Variants in KCNH7 observed in about 807,000 individuals in gnomAD.
The protein encoded by KCNH7 is potassium voltage-gated channel subfamily H member 7.
Under a neutral mutation model 120.8 loss-of-function variants are expected in KCNH7, and 49 were observed. That is an observed-to-expected ratio of 0.41 (90% CI 0.32 to 0.51). KCNH7 has a LOEUF of 0.51. KCNH7 is among the 20% of genes least tolerant of loss of function. KCNH7 has a pLI of 0.38. For missense variants in KCNH7, 1,097 were observed against 1,446.6 expected, an observed-to-expected ratio of 0.76 and a Z score of 3.92; for synonymous variants, 547 against 516.1, an observed-to-expected ratio of 1.06 and a Z score of -0.81.
chr2:162,777,142 G>C (rs1034809095), intron 2 of KCNH7, among the ~76,000 whole-genome samples: 5 of 152,080 alleles, frequency 3.3e-5, no homozygotes, highest in African/African-American at 9.7e-5. Flanking sequence ...TGTTTGACAA[G>C]TACCACCAGT....
intron 6 of KCNH7, among the ~76,000 whole-genome samples, chr2:162,466,788 C>G (rs546966125): frequency 4.6e-5 from 7 of 152,114 alleles, no homozygotes; most frequent in African/African-American, 7.2e-5. Context: ...ATCTGATTGT[C>G]AGTAAATTTA....
rs185257091 is a variant in KCNH7 at position 162,393,340 on chromosome 2, G to A, written c.2710+1049C>T. On this transcript the variant is annotated intron_variant, in intron 12 of 15. Coordinates refer to ENST00000332142, the MANE Select transcript of KCNH7 (RefSeq NM_033272.4). The stretch of plus-strand genomic sequence containing the variant: ...TGGGACTGAAGCTCAGGTGGTCTGG[G>A]ATTAACATGTAATCATGAACATCTC... Among the ~76,000 whole-genome samples the A allele has an allele frequency of 1.3e-3, 197 of 151,986 alleles. 1 individual carries two copies. In the Middle Eastern group the frequency reaches 0.027, roughly 21 times the overall value.
intron 2 of KCNH7, among the ~76,000 whole-genome samples, chr2:162,568,493 T>A (rs1366669917): frequency 6.6e-6 from 1 of 152,018 alleles, no homozygotes; most frequent in Non-Finnish European, 1.5e-5. Flanking sequence ...AATTAAGCAA[T>A]GTGTGACTGT....
At chr2:162,625,538 C>A (rs994084791) in intron 2 of KCNH7, among the ~76,000 whole-genome samples, 6 of 152,104 alleles carry the variant, frequency 3.9e-5, no homozygotes, top group African/African-American at 1.4e-4. Context: ...AGGGCCCAGG[C>A]AGCAAGACCC....
At chr2:162,587,835 C>T (rs1463165974) in intron 2 of KCNH7, among the ~76,000 whole-genome samples, 1 of 152,008 alleles carries the variant, frequency 6.6e-6, no homozygotes, top group Non-Finnish European at 1.5e-5. Context: ...CCACAAGAAG[C>T]CAAATTCATT....
chr2:162,598,061 T>C (rs1273184846), intron 2 of KCNH7, among the ~76,000 whole-genome samples: 1 of 152,056 alleles, frequency 6.6e-6, no homozygotes, highest in Non-Finnish European at 1.5e-5. Flanking sequence ...ATTTATACTC[T>C]TGTTTATTTC....
intron 6 of KCNH7, among the ~76,000 whole-genome samples, chr2:162,500,299 T>A (rs1174922038): frequency 6.8e-6 from 1 of 147,888 alleles, no homozygotes; most frequent in Non-Finnish European, 1.5e-5. Flanking sequence ...AACATGTATA[T>A]TATATATACA....
At chr2:162,378,278 G>A (rs59465038) in intron 14 of KCNH7, among the ~76,000 whole-genome samples, 32 of 152,286 alleles carry the variant, frequency 2.1e-4, no homozygotes, top group African/African-American at 7.2e-4. Context: ...AAATTTAAAT[G>A]ATTTGACCCA....
chr2:162,824,324 A>G (rs192663810), intron 2 of KCNH7, among the ~76,000 whole-genome samples: 4 of 152,284 alleles, frequency 2.6e-5, no homozygotes, highest in African/African-American at 7.2e-5. Flanking sequence ...GCAAAGAAAC[A>G]AGTTCTGCAA....
At chr2:162,787,656 A>G (rs1354894869) in intron 2 of KCNH7, among the ~76,000 whole-genome samples, 2 of 152,222 alleles carry the variant, frequency 1.3e-5, no homozygotes, top group East Asian at 3.9e-4. Flanking sequence ...GGATCAAGGC[A>G]GCAGGCCTGG....
intron 6 of KCNH7, among the ~76,000 whole-genome samples, chr2:162,482,096 T>C (rs1180129533): frequency 2.6e-5 from 4 of 152,144 alleles, no homozygotes; most frequent in East Asian, 1.9e-4. Flanking sequence ...AAATAAATTG[T>C]TTAGTTGTGT....
intron 2 of KCNH7, among the ~76,000 whole-genome samples, chr2:162,616,438 G>T (rs112311083): frequency 1.2e-4 from 19 of 152,290 alleles, no homozygotes; most frequent in African/African-American, 4.1e-4. Flanking sequence ...AGAAAACTTA[G>T]ACTTTTATCC....
chr2:162,644,067 A>T (rs1479332160), intron 2 of KCNH7, among the ~76,000 whole-genome samples: 1 of 151,894 alleles, frequency 6.6e-6, no homozygotes, highest in Non-Finnish European at 1.5e-5. Flanking sequence ...TTTCTTTCTT[A>T]CCTGCTTTTC....
At chr2:162,430,894 A>G (rs1688043270) in intron 8 of KCNH7, among the ~76,000 whole-genome samples, 1 of 151,868 alleles carries the variant, frequency 6.6e-6, no homozygotes, top group African/African-American at 2.4e-5. Context: ...AATATTTAAG[A>G]TATAAAATTA....
intron 2 of KCNH7, among the ~76,000 whole-genome samples, chr2:162,705,978 TAA>T (rs1686685462): frequency 6.6e-6 from 1 of 152,136 alleles, no homozygotes; most frequent in Admixed American, 6.6e-5. Flanking sequence ...GTACTTGATT[TAA>T]AAGTCAGACT....
chr2:162,587,068 A>G (rs1694044367), intron 2 of KCNH7, among the ~76,000 whole-genome samples: 1 of 152,080 alleles, frequency 6.6e-6, no homozygotes, highest in South Asian at 2.1e-4. Context: ...TTAGTATTAA[A>G]TGAATTCATA....
intron 2 of KCNH7, among the ~76,000 whole-genome samples, chr2:162,830,024 C>T (rs2105614219): frequency 6.6e-6 from 1 of 152,116 alleles, no homozygotes; most frequent in Middle Eastern, 3.4e-3. Flanking sequence ...AAATTAACTA[C>T]AATAATGCGT....
chr2:162,638,398 T>C (rs1415096173), intron 2 of KCNH7, among the ~76,000 whole-genome samples: 2 of 152,102 alleles, frequency 1.3e-5, no homozygotes, highest in African/African-American at 4.8e-5. Flanking sequence ...TTTGGAGTAC[T>C]TTTAACAGAA....
At chr2:162,568,277 AC>A (rs2105893253) in intron 2 of KCNH7, among the ~76,000 whole-genome samples, 1 of 152,172 alleles carries the variant, frequency 6.6e-6, no homozygotes, top group African/African-American at 2.4e-5. Flanking sequence ...TTATGGGATT[AC>A]AATTCAAGAT....
Sources: allele counts gnomAD v4.1 joint callset (sites outside exome capture counted in the v4.1 genomes callset), GRCh38; gene constraint gnomAD v4.1.1; transcripts MANE v1.5; gene names NCBI Gene and HGNC (gene_info 2026-07-23, HGNC 2026-07-21).